The following UBN2 variants were observed in gnomAD, a reference collection of about 807,000 sequenced individuals.
UBN2 encodes the protein ubinuclein-2.
UBN2 carries 35 observed loss-of-function variants against 120.2 expected under a neutral mutation model. The ratio of observed to expected loss-of-function variants is 0.29; its 90% CI spans 0.22 to 0.39. The LOEUF is 0.39. UBN2 is among the 10% of genes least tolerant of loss of function. UBN2 has a pLI of 1.00. For missense variants in UBN2, 1,693 were observed against 1,663.2 expected, an observed-to-expected ratio of 1.02 and a Z score of -0.31; for synonymous variants, 661 against 648.7, an observed-to-expected ratio of 1.02 and a Z score of -0.29.
intron 17 of UBN2, among the ~76,000 whole-genome samples, chr7:139,296,583 G>T (rs1798115602): frequency 6.6e-6 from 1 of 152,144 alleles, no homozygotes; most frequent in African/African-American, 2.4e-5. Context: ...TCCATATTCT[G>T]TTGGCTTTCC....
chr7:139,273,568 C>T (rs1444733886), intron 10 of UBN2, among the ~76,000 whole-genome samples, 158 bp downstream of exon 10: 1 of 152,108 alleles, frequency 6.6e-6, no homozygotes, highest in Non-Finnish European at 1.5e-5. Flanking sequence ...GCTCTAATAT[C>T]CTCAGAGTAT....
chr7:139,321,584 C>T, the UBN2 span, among the ~76,000 whole-genome samples: 1 of 152,260 alleles, frequency 6.6e-6, no homozygotes, highest in East Asian at 1.9e-4. Context: ...GGGATAACCT[C>T]AATAGAGGGG....
At position 139,273,823 on chromosome 7, in the gene UBN2, G is replaced by T. The variant is rs369243588; in HGVS notation, c.1830-108G>T. On this transcript the variant is annotated intron_variant, in intron 10 of 17. Coordinates refer to ENST00000473989, the MANE Select transcript of UBN2 (RefSeq NM_173569.4). ...GACTGTGGTGCAATGAATGATATAT[G>T]TTAGAAATTGTTTGTTATTTTCTGA... 3.1e-4 allele frequency: 298 copies of T among 951,348 alleles called. 3 individuals are homozygous for T. In the East Asian group the frequency reaches 4.7e-3, roughly 15 times the overall value. 58.9% of individuals were successfully genotyped at this position (951,348 alleles called of 1,614,324 possible).
chr7:139,257,925 A>C (rs1428051332), intron 3 of UBN2, among the ~76,000 whole-genome samples: 1 of 151,862 alleles, frequency 6.6e-6, no homozygotes, highest in African/African-American at 2.4e-5. Flanking sequence ...CGCTGGGCTT[A>C]CTACGCCCAG....
At chr7:139,266,231 A>G (rs997379494) in intron 6 of UBN2, 102 bp from the exon 7 acceptor site, 20 of 646,602 alleles carry the variant, frequency 3.1e-5, no homozygotes, top group Admixed American at 9.3e-5. Context: ...TATCTCAAAA[A>G]AAAAAAAAAA....
intron 8 of UBN2, among the ~76,000 whole-genome samples, chr7:139,271,724 T>A (rs571999078): frequency 6.6e-6 from 1 of 152,338 alleles, no homozygotes; most frequent in South Asian, 2.1e-4. Flanking sequence ...ATTGGTTGAT[T>A]AAAACTGTCA....
chr7:139,284,889 C>T (rs752425874), intron 15 of UBN2, among the ~76,000 whole-genome samples: 6 of 152,086 alleles, frequency 3.9e-5, no homozygotes, highest in African/African-American at 7.2e-5. Context: ...CAAAACAAAA[C>T]TAAAATGGCT....
At position 139,251,165 on chromosome 7, in the gene UBN2, C is replaced by G. The variant is rs1275973243; in HGVS notation, c.562-791C>G. Reference sequence around the variant, plus strand: ...CTGCACTGCAGCCTGGGCAATAGAGCAAGACCCTATCTTTAAAAAAATAAT... The same window carrying G: ...CTGCACTGCAGCCTGGGCAATAGAGGAAGACCCTATCTTTAAAAAAATAAT... On this transcript the variant is annotated intron_variant, in intron 2 of 17. Coordinates refer to ENST00000473989, the MANE Select transcript of UBN2 (RefSeq NM_173569.4). 2.0e-5 allele frequency among the ~76,000 whole-genome samples: 3 copies of G among 152,204 alleles called. No homozygotes were observed. In the South Asian group the frequency reaches 6.2e-4, roughly 32 times the overall value.
At chr7:139,252,209 T>C (rs1796641780) in intron 3 of UBN2, 152 bp downstream of exon 3, 1 of 613,250 alleles carries the variant, frequency 1.6e-6, no homozygotes, top group African/African-American at 1.8e-5. Context: ...TACCCTTTTT[T>C]TTTTTTTTAA....
Position 139,235,488 on chromosome 7 carries a change from C to G in UBN2, c.469-1517C>G, listed in dbSNP as rs372261499. Among the ~76,000 whole-genome samples, 33 of 152,336 alleles carry G rather than the reference C, an allele frequency of 2.2e-4. No homozygotes were observed. The East Asian group carries it at 3.9e-3, about 18-fold the overall frequency. ...TCTCAGCATCTCAGCTCACTTGCAA[C>G]TTCCACCTCCCAGGTTCAAGCGATT... On this transcript the variant is annotated intron_variant, in intron 1 of 17. Coordinates refer to ENST00000473989, the MANE Select transcript of UBN2 (RefSeq NM_173569.4).
intron 1 of UBN2, among the ~76,000 whole-genome samples, chr7:139,236,227 A>G (rs937622082): frequency 2.6e-5 from 4 of 152,206 alleles, no homozygotes; most frequent in African/African-American, 9.6e-5. Context: ...GTGTTAAACC[A>G]TGTATTATAA....
At chr7:139,245,147 C>G (rs1297082293) in intron 2 of UBN2, among the ~76,000 whole-genome samples, 1 of 138,808 alleles carries the variant, frequency 7.2e-6, no homozygotes, top group Non-Finnish European at 1.5e-5. Flanking sequence ...ACCATGTTTC[C>G]CAGGCTGGTC....
Position 139,297,859 on chromosome 7 carries a change from G to A in UBN2, c.*23G>A, listed in dbSNP as rs755346636. On this transcript the variant is annotated 3_prime_UTR_variant, in exon 18 of 18. Transcript: ENST00000473989. ...TGACTGCCCAGCAAGCAAAGGAGAC[G>A]AAATGTTTAGTTGACTGATGGAATC... 5.6e-6 allele frequency: 9 copies of A among 1,613,600 alleles called. No individual in the cohort carries two copies. The Admixed American group carries it at 1.2e-4, about 21-fold the overall frequency.
At chr7:139,285,218 G>A (rs1797748485) in intron 15 of UBN2, among the ~76,000 whole-genome samples, 1 of 152,112 alleles carries the variant, frequency 6.6e-6, no homozygotes, top group African/African-American at 2.4e-5. Flanking sequence ...ATCTTTTCAA[G>A]AAGGGTAGCC....
intron 14 of UBN2, 36 bp from the exon 15 acceptor site, chr7:139,282,988 C>A: frequency 1.4e-6 from 2 of 1,396,342 alleles, no homozygotes; most frequent in Non-Finnish European, 1.9e-6. Flanking sequence ...TTTTATTCAC[C>A]ATTTCTATTT....
At chr7:139,282,185 AAAT>A in intron 14 of UBN2, 130 bp downstream of exon 14, 1 of 628,104 alleles carries the variant, frequency 1.6e-6, no homozygotes, top group South Asian at 2.6e-5. Flanking sequence ...TCAGTCTTAA[AAAT>A]AAAATGAGTC....
chr7:139,285,972 G>A (rs1485038017), intron 15 of UBN2, among the ~76,000 whole-genome samples: 1 of 152,090 alleles, frequency 6.6e-6, no homozygotes, highest in Non-Finnish European at 1.5e-5. Flanking sequence ...CTGTTGCCAG[G>A]CTGGAGTGCA....
chr7:139,288,867 T>C (rs1051530714), intron 15 of UBN2, among the ~76,000 whole-genome samples: 4 of 151,876 alleles, frequency 2.6e-5, no homozygotes, highest in Non-Finnish European at 5.9e-5. Flanking sequence ...CTGGGTATGG[T>C]GGCACGTGCC....
rs928925301 is a variant in UBN2 at position 139,307,183 on chromosome 7, T to G, written c.*9347T>G. 3.3e-5 allele frequency: 5 copies of G among 152,200 alleles called. No individual in the cohort carries two copies. Among genetic ancestry groups the G allele is most frequent in the African/African-American group, 1.2e-4 (5 of 41,456 alleles). 9.4% of individuals were successfully genotyped at this position (152,200 alleles called of 1,614,324 possible). ...TTTCAAAACCAATCTTGAAGGAGCC[T>G]AAAGAGTTGATGGTCCTCTAGGTGA... On this transcript the variant is annotated 3_prime_UTR_variant, in exon 18 of 18. Transcript: ENST00000473989.
Sources: gnomAD v4.1 joint callset for allele counts (sites outside exome capture counted in the v4.1 genomes callset) on GRCh38, gnomAD v4.1.1 for gene constraint, MANE v1.5 for transcripts, NCBI Gene and HGNC (gene_info 2026-07-23, HGNC 2026-07-21) for gene names.